DNAH7: variants seen among roughly 807,000 people sequenced by gnomAD.
DNAH7 encodes dynein axonemal heavy chain 7, also known as axonemal beta dynein heavy chain 7.
Under a neutral mutation model 444.6 loss-of-function variants are expected in DNAH7, and 397 were observed. The ratio of observed to expected loss-of-function variants is 0.89; its 90% CI spans 0.82 to 0.97. The LOEUF is 0.97. DNAH7 is among the 50% of genes least tolerant of loss of function. The pLI is 0.00. For synonymous variants in DNAH7, 1,636 were observed against 1,624.4 expected (o/e 1.01, Z -0.17); for missense variants, 4,902 against 4,800.8 (o/e 1.02, Z -0.62).
chr2:195,957,777 T>C (rs1690789731), intron 18 of DNAH7, among the ~76,000 whole-genome samples: 1 of 152,164 alleles, frequency 6.6e-6, no homozygotes, highest in Admixed American at 6.6e-5. Context: ...ACATTTATGC[T>C]TATAGAGATA....
intron 3 of DNAH7, among the ~76,000 whole-genome samples, chr2:196,050,723 A>C (rs1697412543): frequency 6.6e-6 from 1 of 152,170 alleles, no homozygotes. Context: ...TTATAGTCAA[A>C]ATAATGAAAA....
intron 15 of DNAH7, among the ~76,000 whole-genome samples, chr2:195,984,154 G>A (rs1228881340): frequency 3.9e-5 from 6 of 152,038 alleles, no homozygotes; most frequent in Non-Finnish European, 7.4e-5. Flanking sequence ...TGAGCCTGCT[G>A]GGGCTTGAGG....
At chr2:195,949,300 T>C (rs1435217557) in intron 19 of DNAH7, among the ~76,000 whole-genome samples, 2 of 152,140 alleles carry the variant, frequency 1.3e-5, no homozygotes, top group African/African-American at 2.4e-5. Flanking sequence ...TATTTATTTA[T>C]TGAGATGGAG....
At chr2:195,780,830 T>A (rs1202035575) in intron 58 of DNAH7, among the ~76,000 whole-genome samples, 2 of 152,060 alleles carry the variant, frequency 1.3e-5, no homozygotes, top group African/African-American at 4.8e-5. Flanking sequence ...TTTTCATCAT[T>A]TTTGTGCTTT....
At chr2:196,046,783 C>T (rs1436985058) in intron 5 of DNAH7, among the ~76,000 whole-genome samples, 1 of 152,088 alleles carries the variant, frequency 6.6e-6, no homozygotes, top group African/African-American at 2.4e-5. Flanking sequence ...GTCATGAAAC[C>T]CCACTCGTCC....
intron 48 of DNAH7, among the ~76,000 whole-genome samples, chr2:195,831,302 T>C (rs780605941): frequency 2.0e-5 from 3 of 152,202 alleles, no homozygotes; most frequent in Non-Finnish European, 4.4e-5. Flanking sequence ...TCAAAGAGGA[T>C]CTTATCATAA....
At chr2:195,962,610 A>G (rs765823296) in intron 17 of DNAH7, among the ~76,000 whole-genome samples, 6 of 152,190 alleles carry the variant, frequency 3.9e-5, no homozygotes, top group Non-Finnish European at 7.3e-5. Context: ...TTGGCCTCCC[A>G]AAGTGCTGGG....
At position 195,740,882 on chromosome 2, in the gene DNAH7, G is replaced by A; in HGVS notation, c.11765-13C>T. The A allele has an allele frequency of 6.8e-7, 1 of 1,461,828 alleles. No homozygotes were observed. Among genetic ancestry groups the A allele is most frequent in the Non-Finnish European group, 9.2e-7 (1 of 1,083,754 alleles). 90.6% of individuals were successfully genotyped at this position (1,461,828 alleles called of 1,614,324 possible). A position where few individuals can be genotyped will look rare whatever the true frequency, so the allele number is the denominator to read the frequency against. The stretch of plus-strand genomic sequence containing the variant: ...TGAATGAAAACACCTAAATATAAAA[G>A]AAACACATTAATATAACACTTGAAA... On this transcript the variant is annotated splice_polypyrimidine_tract_variant and intron_variant, in intron 63 of 64. Coordinates refer to ENST00000312428, the MANE Select transcript of DNAH7 (RefSeq NM_018897.3).
chr2:195,855,723 A>G, intron 45 of DNAH7, 88 bp downstream of exon 45: 1 of 1,399,590 alleles, frequency 7.1e-7, no homozygotes, highest in Non-Finnish European at 9.6e-7. Flanking sequence ...GGAAGGAAAC[A>G]GGACTGGTGT....
intron 54 of DNAH7, among the ~76,000 whole-genome samples, chr2:195,803,837 A>G (rs1305316178): frequency 6.6e-6 from 1 of 152,180 alleles, no homozygotes; most frequent in African/African-American, 2.4e-5. Context: ...TTGTAAATGG[A>G]CTCAAAACAT....
intron 22 of DNAH7, among the ~76,000 whole-genome samples, 178 bp downstream of exon 22, chr2:195,926,248 A>T (rs1208849889): frequency 6.6e-6 from 1 of 152,148 alleles, no homozygotes; most frequent in Non-Finnish European, 1.5e-5. Context: ...ATTGGTATAA[A>T]TTTTTCCTAC....
intron 15 of DNAH7, among the ~76,000 whole-genome samples, chr2:195,975,161 G>A (rs1414397852): frequency 6.6e-6 from 1 of 152,142 alleles, no homozygotes; most frequent in Non-Finnish European, 1.5e-5. Context: ...AATGATCACA[G>A]TACCTGGTAT....
chr2:195,799,353 G>A lies in DNAH7; in HGVS notation c.10296C>T (p.Phe3432=), dbSNP rs76632128. The change falls in exon 55 of 65, where the codon TTC becomes TTT. Residue 3432 remains phenylalanine, a synonymous_variant. Transcript: ENST00000312428. ...TGGGATCTGCTCCAGGAGAGAGCAC[G>A]AAAATCAGTGGTGCACAGCAGTTAC... The part of the protein sequence containing the change: ...GDSNCCAPLI[F]VLSPGADPMA... 927 of 1,611,900 alleles carry A rather than the reference G, an allele frequency of 5.8e-4. 9 individuals carry two copies. The East Asian group carries it at 0.017, about 29-fold the overall frequency.
chr2:195,800,713 G>A (rs1281422157), intron 54 of DNAH7, among the ~76,000 whole-genome samples: 2 of 152,006 alleles, frequency 1.3e-5, no homozygotes, highest in African/African-American at 2.4e-5. Flanking sequence ...CATTAAGTGC[G>A]ACAGAAATTG....
rs201149692 is a variant in DNAH7, at chr2:195,775,826, G to A, written c.11202+20C>T. ...ATCCTTCCCAGGCCTCAGAATCCAG[G>A]TCCTATACAGATCACACACCTGTGT... On this transcript the variant is annotated intron_variant, in intron 60 of 64. Transcript: ENST00000312428. The A allele has an allele frequency of 5.6e-6, 9 of 1,612,384 alleles. No individual in the cohort carries two copies. The Admixed American group carries it at 1.3e-4, about 24-fold the overall frequency.
chr2:195,988,574 A>G (rs1693083156), intron 12 of DNAH7, among the ~76,000 whole-genome samples: 1 of 152,158 alleles, frequency 6.6e-6, no homozygotes, highest in Non-Finnish European at 1.5e-5. Flanking sequence ...ATAATTATAC[A>G]TATTTATGGA....
chr2:195,917,601 T>C (rs777956007), intron 24 of DNAH7, among the ~76,000 whole-genome samples: 1 of 152,230 alleles, frequency 6.6e-6, no homozygotes, highest in Non-Finnish European at 1.5e-5. Flanking sequence ...GTTCTAAAAC[T>C]TGCCTCAATC....
At position 196,066,598 on chromosome 2, in the gene DNAH7, A is replaced by G. The variant is rs187326615; in HGVS notation, c.15+2099T>C. On this transcript the variant is annotated intron_variant, in intron 1 of 64. Transcript: ENST00000312428. ...CAACTGATACTAAAAATGCCTTTTAAAGTTTTAACTCATTTTAAAAATGAA... is the reference window on the plus strand; with the variant it reads ...CAACTGATACTAAAAATGCCTTTTAGAGTTTTAACTCATTTTAAAAATGAA... 6.6e-5 allele frequency among the ~76,000 whole-genome samples: 10 copies of G among 152,346 alleles called. No homozygotes were observed. The East Asian group carries it at 1.9e-3, about 29-fold the overall frequency.
intron 27 of DNAH7, chr2:195,903,531 C>T (rs892841148): frequency 6.6e-6 from 1 of 152,030 alleles, no homozygotes; most frequent in African/African-American, 2.4e-5. Context: ...ACTACTGATT[C>T]TTCAGAATAG....
Sources: allele counts gnomAD v4.1 joint callset (sites outside exome capture counted in the v4.1 genomes callset), GRCh38; gene constraint gnomAD v4.1.1; transcripts MANE v1.5; gene names NCBI Gene and HGNC (gene_info 2026-07-23, HGNC 2026-07-21).